The following NR5A2 variants were observed in gnomAD, a reference collection of about 807,000 sequenced individuals.
NR5A2 encodes nuclear receptor subfamily 5 group A member 2, also known as CYP7A promoter-binding factor.
In NR5A2, 26 loss-of-function variants were observed where a neutral mutation model predicts 62.7. The observed-to-expected ratio is 0.41, with a 90% CI of 0.30 to 0.58. NR5A2 has a LOEUF of 0.58. NR5A2 is among the 20% of genes least tolerant of loss of function. The pLI is 0.22. For synonymous variants in NR5A2, 246 were observed against 241.7 expected (o/e 1.02, Z -0.16); for missense variants, 541 against 669.1 (o/e 0.81, Z 2.11).
chr1:200,099,918 G>T (rs1327915469), intron 5 of NR5A2, among the ~76,000 whole-genome samples: 1 of 152,166 alleles, frequency 6.6e-6, no homozygotes, highest in Non-Finnish European at 1.5e-5. Flanking sequence ...TTTGGCTGAT[G>T]GCATTGTTGC....
At chr1:200,152,169 C>G (rs1653160057) in intron 7 of NR5A2, among the ~76,000 whole-genome samples, 1 of 152,126 alleles carries the variant, frequency 6.6e-6, no homozygotes, top group Non-Finnish European at 1.5e-5. Flanking sequence ...CAGAAGTTCT[C>G]TAGCATTTCA....
chr1:200,054,840 C>T (rs1662834986), intron 5 of NR5A2, among the ~76,000 whole-genome samples: 1 of 152,078 alleles, frequency 6.6e-6, no homozygotes, highest in African/African-American at 2.4e-5. Context: ...CCTATAATCT[C>T]AGACTTTATT....
chr1:200,052,872 C>T (rs1440347880), intron 5 of NR5A2, among the ~76,000 whole-genome samples: 2 of 152,034 alleles, frequency 1.3e-5, no homozygotes, highest in East Asian at 1.9e-4. Context: ...GATCTCCTGA[C>T]CTTGCGATCC....
intron 4 of NR5A2, among the ~76,000 whole-genome samples, chr1:200,047,923 C>T (rs1320911116): frequency 2.6e-5 from 4 of 152,106 alleles, no homozygotes; most frequent in Non-Finnish European, 5.9e-5. Flanking sequence ...AACTCTCCTC[C>T]ATCCACAAAA....
rs1216981325 is a variant in NR5A2 at position 200,176,951 on chromosome 1, G to A, written c.*2741G>A. ...ATTAGAAAGACGGGCAACACAGCGG[G>A]TTACATCCACACTGCTGATCACACC... On this transcript the variant is annotated 3_prime_UTR_variant, in exon 8 of 8. Transcript: ENST00000367362. The A allele has an allele frequency of 2.0e-5, 3 of 152,142 alleles. No individual in the cohort carries two copies. The highest frequency in any genetic ancestry group is 6.5e-5 in the Admixed American group (1 of 15,274). 9.4% of individuals were successfully genotyped at this position (152,142 alleles called of 1,614,324 possible). A position where few individuals can be genotyped will look rare whatever the true frequency, so the allele number is the denominator to read the frequency against.
At chr1:200,100,299 T>A (rs1483368710) in intron 5 of NR5A2, among the ~76,000 whole-genome samples, 1 of 151,736 alleles carries the variant, frequency 6.6e-6, no homozygotes, top group Non-Finnish European at 1.5e-5. Context: ...CGTACTTCAT[T>A]TAGCATCTTT....
chr1:200,036,705 C>T (rs1264782375), intron 1 of NR5A2, among the ~76,000 whole-genome samples: 1 of 152,116 alleles, frequency 6.6e-6, no homozygotes, highest in African/African-American at 2.4e-5. Flanking sequence ...CCCCAGGGAG[C>T]GTTTCCCATC....
chr1:200,091,583 C>T, intron 5 of NR5A2, among the ~76,000 whole-genome samples: 1 of 150,094 alleles, frequency 6.7e-6, no homozygotes, highest in East Asian at 2.0e-4. Flanking sequence ...CTCCCAGGTT[C>T]AAGCGATTCT....
rs76894039 is a variant in NR5A2, at chr1:200,111,336, C to CAAAA, written c.1230+27_1230+30dup. On this transcript the variant is annotated intron_variant, in intron 6 of 7. Transcript: ENST00000367362. ...CTGGGCAACAAGTGAGTGTAGAGAC[C>CAAAA]AAAAAAAAAAAAAAAGCATCTTTTT... 1,661 of 1,407,414 alleles carry CAAAA rather than the reference C, an allele frequency of 1.2e-3. 34 individuals carry two copies. The African/African-American group carries it at 0.023, about 19-fold the overall frequency. The allele number at this position is 1,407,414 out of a possible 1,614,324, so 87.2% of individuals were successfully genotyped here.
intron 6 of NR5A2, among the ~76,000 whole-genome samples, chr1:200,117,378 C>T (rs999273052): frequency 6.6e-6 from 1 of 152,104 alleles, no homozygotes. Context: ...GTTTTCTAAG[C>T]CCCCATTTAA....
Position 200,029,127 on chromosome 1 carries a change from C to CAAGG in NR5A2, c.64+1218_64+1221dup, listed in dbSNP as rs757053453. On this transcript the variant is annotated intron_variant, in intron 1 of 7. Coordinates refer to ENST00000367362, the MANE Select transcript of NR5A2 (RefSeq NM_205860.3). ...GGGCAGAACCGCCGCGGTGCGCAGG[C>CAAGG]AAGGAGTCCTTCCCGGCAGCTCCGC... 30 of 440,004 alleles carry CAAGG rather than the reference C, an allele frequency of 6.8e-5. 1 individual carries two copies. The highest frequency in any genetic ancestry group is 4.4e-4 in the South Asian group (28 of 63,632). The allele number at this position is 440,004 out of a possible 1,614,324, so 27.3% of individuals were successfully genotyped here.
intron 7 of NR5A2, among the ~76,000 whole-genome samples, chr1:200,132,823 G>A (rs1190656342): frequency 6.6e-6 from 1 of 152,190 alleles, no homozygotes; most frequent in African/African-American, 2.4e-5. Context: ...TTAGCAAGGG[G>A]CACTGTCCCT....
At chr1:200,074,260 A>T (rs1410345571) in intron 5 of NR5A2, among the ~76,000 whole-genome samples, 1 of 152,056 alleles carries the variant, frequency 6.6e-6, no homozygotes, top group Admixed American at 6.6e-5. Context: ...GAGTGCAGTT[A>T]TTTGAGAACT....
rs952140016 is a variant in NR5A2, at chr1:200,176,831, T to G, written c.*2621T>G. The G allele has an allele frequency of 1.3e-5, 2 of 152,140 alleles. No individual in the cohort carries two copies. Among genetic ancestry groups the G allele is most frequent in the Non-Finnish European group, 2.9e-5 (2 of 68,026 alleles). 9.4% of individuals were successfully genotyped at this position (152,140 alleles called of 1,614,324 possible). On this transcript the variant is annotated 3_prime_UTR_variant, in exon 8 of 8. Coordinates refer to ENST00000367362, the MANE Select transcript of NR5A2 (RefSeq NM_205860.3). The stretch of plus-strand genomic sequence containing the variant: ...TTGACTCTTAAAATCTATGTTCTCT[T>G]ATTTTAAAGATACAGTGCTCCCCAC...
intron 5 of NR5A2, among the ~76,000 whole-genome samples, chr1:200,100,848 A>G (rs956455817): frequency 6.6e-6 from 1 of 152,230 alleles, no homozygotes; most frequent in African/African-American, 2.4e-5. Flanking sequence ...TCTCATGTAC[A>G]AAAAGAAATC....
At chr1:200,128,942 T>C (rs1386538979) in intron 7 of NR5A2, among the ~76,000 whole-genome samples, 1 of 152,222 alleles carries the variant, frequency 6.6e-6, no homozygotes, top group Admixed American at 6.5e-5. Context: ...TATAGGAATG[T>C]TTTTCTTATT....
chr1:200,035,722 A>G (rs1413875576), intron 1 of NR5A2, among the ~76,000 whole-genome samples: 1 of 152,126 alleles, frequency 6.6e-6, no homozygotes, highest in Non-Finnish European at 1.5e-5. Context: ...CCGAGCCATC[A>G]TCCTTCGTAA....
At chr1:200,127,700 A>T (rs1169310177) in intron 7 of NR5A2, among the ~76,000 whole-genome samples, 3 of 89,322 alleles carry the variant, frequency 3.4e-5, no homozygotes, top group South Asian at 4.0e-4. Flanking sequence ...AAAAAAAAAA[A>T]AAAAAAAAAA....
At chr1:200,126,123 C>T (rs10800672) in intron 7 of NR5A2, among the ~76,000 whole-genome samples, 62,178 of 151,582 alleles carry the variant, frequency 0.41, 12,845 homozygotes, top group Admixed American at 0.44. Flanking sequence ...GCTGGGATTG[C>T]AGCCATGAGT....
Sources: allele counts gnomAD v4.1 joint callset (sites outside exome capture counted in the v4.1 genomes callset), GRCh38; gene constraint gnomAD v4.1.1; transcripts MANE v1.5; gene names NCBI Gene and HGNC (gene_info 2026-07-23, HGNC 2026-07-21).